The following CIMIP2A variants were observed in gnomAD, a reference collection of about 807,000 sequenced individuals.
The protein encoded by CIMIP2A is family with sequence similarity 166 member A.
At chr9:137,251,702 G>C in the CIMIP2A span, 1 of 1,549,042 alleles carries the variant, frequency 6.5e-7, no homozygotes, top group Non-Finnish European at 8.7e-7. Context: ...GGGAGCGGCC[G>C]GGGGCTGAGA....
chr9:137,243,996 A>AT, the CIMIP2A span, among the ~76,000 whole-genome samples: 1 of 151,760 alleles, frequency 6.6e-6, no homozygotes, highest in Admixed American at 6.6e-5. Flanking sequence ...GGGTCCAGTG[A>AT]CCCCCCTTCC....
the CIMIP2A span, chr9:137,245,290 G>C: frequency 1.3e-6 from 2 of 1,581,210 alleles, no homozygotes; most frequent in Non-Finnish European, 8.6e-7. Flanking sequence ...CTTGGCACTG[G>C]TGCATCCCCT....
At chr9:137,249,748 G>A in the CIMIP2A span, among the ~76,000 whole-genome samples, 1 of 152,226 alleles carries the variant, frequency 6.6e-6, no homozygotes, top group Non-Finnish European at 1.5e-5. Context: ...CAACTAGCGA[G>A]GACATGGAAG....
chr9:137,245,111 T>C, the CIMIP2A span: 1 of 1,603,426 alleles, frequency 6.2e-7, no homozygotes, highest in Non-Finnish European at 8.5e-7. Context: ...TGCGTTGGAT[T>C]AGGTTAGGGT....
At chr9:137,249,430 G>A in the CIMIP2A span, among the ~76,000 whole-genome samples, 28 of 152,280 alleles carry the variant, frequency 1.8e-4, no homozygotes, top group Admixed American at 9.8e-4. Flanking sequence ...TTCCTCCACC[G>A]TTCCTGGCTG....
chr9:137,253,222 A>G, the CIMIP2A span: 1 of 1,608,530 alleles, frequency 6.2e-7, no homozygotes, highest in Non-Finnish European at 8.5e-7. Flanking sequence ...GCGCCACGAC[A>G]CAGGCCCCTT....
chr9:137,246,336 G>A, the CIMIP2A span, among the ~76,000 whole-genome samples: 1 of 152,214 alleles, frequency 6.6e-6, no homozygotes, highest in African/African-American at 2.4e-5. Context: ...GAAGAGAACT[G>A]GGAGGCAGGT....
the CIMIP2A span, chr9:137,251,703 G>A: frequency 6.4e-7 from 1 of 1,551,280 alleles, no homozygotes; most frequent in Non-Finnish European, 8.7e-7. Flanking sequence ...GGAGCGGCCG[G>A]GGGCTGAGAC....
chr9:137,251,552 C>G, the CIMIP2A span, among the ~76,000 whole-genome samples: 3 of 143,320 alleles, frequency 2.1e-5, no homozygotes, highest in Middle Eastern at 7.1e-3. Flanking sequence ...CGGCCAGGGG[C>G]TGAGGGACAG....
the CIMIP2A span, chr9:137,252,003 C>A: frequency 6.2e-7 from 1 of 1,610,584 alleles, no homozygotes; most frequent in Non-Finnish European, 8.5e-7. Flanking sequence ...GTGGCCAGTG[C>A]TGGAGCAACG....
At chr9:137,244,284 A>G in the CIMIP2A span, 3 of 1,596,534 alleles carry the variant, frequency 1.9e-6, no homozygotes, top group Non-Finnish European at 2.6e-6. Context: ...GTTTCTAAAC[A>G]GGAACTGGGG....
At chr9:137,244,897 G>C in the CIMIP2A span, 1 of 1,580,934 alleles carries the variant, frequency 6.3e-7, no homozygotes, top group Non-Finnish European at 8.6e-7. Flanking sequence ...AGGCAGGCAA[G>C]GCACCGCCTC....
At chr9:137,252,634 C>G in the CIMIP2A span, 11 of 1,458,962 alleles carry the variant, frequency 7.5e-6, no homozygotes, top group Non-Finnish European at 8.2e-6. Context: ...GCACCCTGCC[C>G]TGCAGCCCGT....
chr9:137,251,702 G>A, the CIMIP2A span: 31 of 1,549,042 alleles, frequency 2.0e-5, no homozygotes, highest in African/African-American at 4.1e-5. Flanking sequence ...GGGAGCGGCC[G>A]GGGGCTGAGA....
the CIMIP2A span, chr9:137,253,115 C>A: frequency 5.1e-6 from 8 of 1,563,394 alleles, no homozygotes; most frequent in Non-Finnish European, 6.9e-6. Context: ...CTTTCGGCAG[C>A]CCGAACCCCT....
At chr9:137,252,678 A>C in the CIMIP2A span, 1 of 1,548,806 alleles carries the variant, frequency 6.5e-7, no homozygotes, top group African/African-American at 1.4e-5. Flanking sequence ...TCGCCAGCCC[A>C]CTACCAGCTG....
the CIMIP2A span, among the ~76,000 whole-genome samples, chr9:137,249,773 C>T: frequency 6.6e-6 from 1 of 152,212 alleles, no homozygotes; most frequent in Non-Finnish European, 1.5e-5. Context: ...AGCCCCTCCC[C>T]GTGCCTCTCT....
At chr9:137,248,712 A>G in the CIMIP2A span, among the ~76,000 whole-genome samples, 1 of 152,004 alleles carries the variant, frequency 6.6e-6, no homozygotes, top group Non-Finnish European at 1.5e-5. Flanking sequence ...ACAAAAAAGA[A>G]AGAAAAATTA....
chr9:137,243,849 A>C, the CIMIP2A span: 1 of 1,557,296 alleles, frequency 6.4e-7, no homozygotes, highest in Non-Finnish European at 8.9e-7. Context: ...CATGGGCTGG[A>C]CACCCAGGCT....
Sources: gnomAD v4.1 joint callset for allele counts (sites outside exome capture counted in the v4.1 genomes callset) on GRCh38, gnomAD v4.1.1 for gene constraint, MANE v1.5 for transcripts, NCBI Gene and HGNC (gene_info 2026-07-23, HGNC 2026-07-21) for gene names.